The following NTN4 variants were observed in gnomAD, a reference collection of about 807,000 sequenced individuals.
NTN4 encodes netrin-4.
A neutral mutation model predicts 73.6 loss-of-function variants in NTN4; 32 were observed. The observed-to-expected ratio is 0.44, with a 90% CI of 0.33 to 0.58. The LOEUF (loss-of-function observed/expected upper bound fraction) is 0.58, where lower values mean the gene tolerates loss of function less well. Ranked by LOEUF, NTN4 falls within the 20% of genes least tolerant of loss-of-function variation. The pLI, the probability that NTN4 is intolerant of heterozygous loss-of-function variation, is 0.04. For synonymous variants in NTN4, 258 were observed against 287.5 expected (o/e 0.90, Z 1.04); for missense variants, 654 against 798.3 (o/e 0.82, Z 2.18).
chr12:95,669,123 G>A (rs993088843), intron 8 of NTN4, among the ~76,000 whole-genome samples: 18 of 151,688 alleles, frequency 1.2e-4, no homozygotes, highest in African/African-American at 2.9e-4. Flanking sequence ...TATGAGAATC[G>A]CTTGAACCCA....
intron 2 of NTN4, among the ~76,000 whole-genome samples, chr12:95,776,867 C>A (rs576958367): frequency 2.0e-5 from 3 of 152,064 alleles, no homozygotes; most frequent in East Asian, 3.9e-4. Flanking sequence ...TGTCAGATTC[C>A]CCAAAGTTGA....
chr12:95,780,369 C>T (rs2079123398), intron 2 of NTN4, among the ~76,000 whole-genome samples: 1 of 152,178 alleles, frequency 6.6e-6, no homozygotes, highest in Non-Finnish European at 1.5e-5. Context: ...AGGCAATCTA[C>T]AGAATGAGAG....
intron 5 of NTN4, among the ~76,000 whole-genome samples, chr12:95,708,796 C>T (rs1000157791): frequency 1.3e-5 from 2 of 152,270 alleles, no homozygotes; most frequent in Admixed American, 6.5e-5. Context: ...ATATAGTTCT[C>T]ATTACACTAC....
chr12:95,682,585 A>T (rs1032020579), intron 7 of NTN4, 122 bp downstream of exon 7: 79 of 597,114 alleles, frequency 1.3e-4, no homozygotes, highest in African/African-American at 1.3e-3. Context: ...TTATTATACC[A>T]TGAAACCCCA....
In NTN4 at chr12:95,667,403, A is replaced by G. The variant is rs1043575974; in HGVS notation, c.1580-1423T>C. ...GGGAAGTTCTTATCGGCTTATCCAC[A>G]TCTCCATGGAAGAGTGTGTGTAATG... On this transcript the variant is annotated intron_variant, in intron 8 of 9. Transcript: ENST00000343702. Among the ~76,000 whole-genome samples, 33 of 151,950 alleles carry G rather than the reference A, an allele frequency of 2.2e-4. 1 individual carries two copies. Among genetic ancestry groups the G allele is most frequent in the Admixed American group, 1.6e-3 (25 of 15,236 alleles).
chr12:95,761,882 A>G (rs1357976366), intron 2 of NTN4, among the ~76,000 whole-genome samples: 1 of 152,158 alleles, frequency 6.6e-6, no homozygotes, highest in Non-Finnish European at 1.5e-5. Flanking sequence ...ACCAAATGCT[A>G]GTGAACTTAT....
At position 95,760,799 on chromosome 12, in the gene NTN4, C is replaced by T. The variant is rs191624156; in HGVS notation, c.586-22655G>A. Among the ~76,000 whole-genome samples the T allele has an allele frequency of 9.6e-4, 144 of 149,838 alleles. 2 individuals carry two copies. In the East Asian group the frequency reaches 0.022, roughly 23 times the overall value. ...GCAGAAGCAGAAATCTCATTTCAAA[C>T]TGATAAGTTTTAAGAGGTTGGGACT... is the stretch of plus-strand genomic sequence containing the variant. On this transcript the variant is annotated intron_variant, in intron 2 of 9. Transcript: ENST00000343702.
At position 95,787,233 on chromosome 12, in the gene NTN4, T is replaced by C. The variant is rs750126973; in HGVS notation, c.291A>G (p.Ser97=). ...ACCATGTGCGAGGAAACCGGAAGGA[T>C]GAGTCTGCCATGGCAGATGGCAGGT... is the stretch of plus-strand genomic sequence containing the variant. ...LAHLPSAMAD[S]SFRFPRTWWQ... Residue 97 remains serine, a synonymous_variant, in exon 2 of 10, where the codon TCA becomes TCG. Coordinates refer to ENST00000343702, the MANE Select transcript of NTN4 (RefSeq NM_021229.4). 101 of 1,614,084 alleles carry C rather than the reference T, an allele frequency of 6.3e-5. No individual in the cohort carries two copies. Among genetic ancestry groups the C allele is most frequent in the Non-Finnish European group, 8.3e-5 (98 of 1,180,046 alleles).
chr12:95,673,154 G>T, intron 7 of NTN4: 1 of 674,678 alleles, frequency 1.5e-6, no homozygotes, highest in South Asian at 1.6e-5. Context: ...ACGCCACACT[G>T]ACCACATCTG....
chr12:95,773,549 A>G (rs1280132839), intron 2 of NTN4, among the ~76,000 whole-genome samples: 1 of 151,824 alleles, frequency 6.6e-6, no homozygotes, highest in Admixed American at 6.6e-5. Flanking sequence ...TTTGGTATCA[A>G]CCTCCTCGCA....
Position 95,790,067 on chromosome 12 carries a change from TAA to T in NTN4, c.55+186_55+187del. 1 of 484,818 alleles carries T rather than the reference TAA, an allele frequency of 2.1e-6. No homozygotes were observed. Among genetic ancestry groups the T allele is most frequent in the Non-Finnish European group, 3.7e-6 (1 of 271,100 alleles). The allele number at this position is 484,818 out of a possible 1,614,324, so 30.0% of individuals were successfully genotyped here. On this transcript the variant is annotated intron_variant, in intron 1 of 9. Coordinates refer to ENST00000343702, the MANE Select transcript of NTN4 (RefSeq NM_021229.4). The surrounding 1 kb of genome is among the most constrained non-coding windows in gnomAD (Gnocchi z 6.5). ...TCCAAGCGCATGTGTATCCCAGTTG[TAA>T]AAATAAATCAATAGTATTTGAAACT...
intron 5 of NTN4, among the ~76,000 whole-genome samples, chr12:95,701,776 G>A (rs897733836): frequency 2.6e-5 from 4 of 152,112 alleles, no homozygotes; most frequent in African/African-American, 7.2e-5. Context: ...GAACATTCGT[G>A]GAACCAGTAA....
intron 7 of NTN4, chr12:95,673,014 G>C: frequency 7.2e-7 from 1 of 1,382,318 alleles, no homozygotes; most frequent in Non-Finnish European, 1.0e-6. Flanking sequence ...GGGATGAAGG[G>C]ACCCTGTGTA....
intron 2 of NTN4, among the ~76,000 whole-genome samples, chr12:95,747,616 T>TTG (rs2078871646): frequency 6.6e-6 from 1 of 152,168 alleles, no homozygotes; most frequent in Admixed American, 6.5e-5. Context: ...TTTATATTTT[T>TTG]TGTGTGTGTG....
rs1207232974 is a variant in NTN4 at position 95,671,955 on chromosome 12, G to A, written c.1511-1809C>T. On this transcript the variant is annotated intron_variant, in intron 7 of 9. Transcript: ENST00000343702. ...AGGAGCACTTACTGTATACCAGGCC[G>A]TTTTAAGCATTTTACATTAATTTAC... 3.9e-5 allele frequency among the ~76,000 whole-genome samples: 6 copies of A among 152,068 alleles called. No homozygotes were observed. In the East Asian group the frequency reaches 7.7e-4, roughly 20 times the overall value.
At position 95,710,616 on chromosome 12, in the gene NTN4, A is replaced by G. The variant is rs756598787; in HGVS notation, c.1005T>C (p.Asn335=). The G allele has an allele frequency of 1.9e-6, 3 of 1,612,932 alleles. No individual in the cohort carries two copies. The highest frequency in any genetic ancestry group is 1.7e-5 in the Admixed American group (1 of 59,854). The change falls in exon 5 of 10, where the codon AAT becomes AAC. Residue 335 remains asparagine, a synonymous_variant. Transcript: ENST00000343702. ...CGAAGTGACAGGTATCAGCATGCCC[A>G]TTACACTTGCAGGCTGGAAATAAGA... The part of the protein sequence containing the change: ...APNECRTCKC[N]GHADTCHFDV...
intron 7 of NTN4, among the ~76,000 whole-genome samples, chr12:95,675,269 A>C (rs1447869630): frequency 6.6e-6 from 1 of 152,236 alleles, no homozygotes; most frequent in Non-Finnish European, 1.5e-5. Flanking sequence ...TAAGTGAAAA[A>C]ACCATGATAC....
chr12:95,790,412 C>T lies in NTN4; in HGVS notation c.-103G>A. The T allele has an allele frequency of 6.8e-6, 7 of 1,029,350 alleles. No individual in the cohort carries two copies. The highest frequency in any genetic ancestry group is 9.4e-6 in the Non-Finnish European group (7 of 748,234). The allele number at this position is 1,029,350 out of a possible 1,614,324, so 63.8% of individuals were successfully genotyped here. ...CCGCCGTCCTCGGGAGGGAACGGGGCCCTGGTTTCTTCCTCCTCCTGGGGC... is the reference window on the plus strand; with the variant it reads ...CCGCCGTCCTCGGGAGGGAACGGGGTCCTGGTTTCTTCCTCCTCCTGGGGC... On this transcript the variant is annotated 5_prime_UTR_variant, in exon 1 of 10. Coordinates refer to ENST00000343702, the MANE Select transcript of NTN4 (RefSeq NM_021229.4). This position sits in a 1 kb window ranked among gnomAD's most constrained non-coding sequence, Gnocchi z 6.5.
chr12:95,710,645 G>A lies in NTN4; in HGVS notation c.992-16C>T, dbSNP rs369471723. The stretch of plus-strand genomic sequence containing the variant: ...CACTTGCAGGCTGGAAATAAGAAGC[G>A]TGGAGAGAAACACTAATAAGTAAAA... On this transcript the variant is annotated splice_polypyrimidine_tract_variant and intron_variant, in intron 4 of 9. Coordinates refer to ENST00000343702, the MANE Select transcript of NTN4 (RefSeq NM_021229.4). The A allele has an allele frequency of 3.1e-5, 49 of 1,606,498 alleles. No individual in the cohort carries two copies. Among genetic ancestry groups the A allele is most frequent in the Non-Finnish European group, 4.0e-5 (47 of 1,175,234 alleles).
Sources: allele counts gnomAD v4.1 joint callset (sites outside exome capture counted in the v4.1 genomes callset), GRCh38; gene constraint gnomAD v4.1.1; non-coding constraint Gnocchi (gnomAD v3.1); transcripts MANE v1.5; gene names NCBI Gene and HGNC (gene_info 2026-07-23, HGNC 2026-07-21).